Variants in AGBL3 observed in about 807,000 individuals in gnomAD.
AGBL3 encodes cytosolic carboxypeptidase 3.
Under a neutral mutation model 94.5 loss-of-function variants are expected in AGBL3, and 68 were observed. The observed-to-expected ratio is 0.72, with a 90% CI of 0.59 to 0.88. AGBL3 has a LOEUF of 0.88. AGBL3 is among the 40% of genes least tolerant of loss of function. The pLI is 0.00. For missense variants in AGBL3, 934 were observed against 1,103.8 expected, an observed-to-expected ratio of 0.85 and a Z score of 2.18; for synonymous variants, 354 against 370.7, an observed-to-expected ratio of 0.95 and a Z score of 0.52.
intron 11 of AGBL3, among the ~76,000 whole-genome samples, chr7:135,057,366 A>G (rs1447770034): frequency 6.6e-6 from 1 of 152,154 alleles, no homozygotes; most frequent in African/African-American, 2.4e-5. Context: ...GATATGACAA[A>G]ATCATGATCC....
chr7:135,062,200 G>T (rs1483825465), intron 12 of AGBL3, among the ~76,000 whole-genome samples: 4 of 152,024 alleles, frequency 2.6e-5, no homozygotes, highest in African/African-American at 9.6e-5. Flanking sequence ...TAGATAGTTT[G>T]TTATTAATCA....
At chr7:135,096,032 G>A (rs1822617575) in intron 15 of AGBL3, among the ~76,000 whole-genome samples, 1 of 152,032 alleles carries the variant, frequency 6.6e-6, no homozygotes, top group Non-Finnish European at 1.5e-5. Context: ...CATACCTGTA[G>A]TCCCACCTAC....
intron 15 of AGBL3, among the ~76,000 whole-genome samples, chr7:135,102,204 A>C (rs1034843296): frequency 6.6e-6 from 1 of 152,174 alleles, no homozygotes; most frequent in Non-Finnish European, 1.5e-5. Flanking sequence ...CACCGCTCCA[A>C]ATCTGTGATT....
chr7:135,096,623 A>AGATAGATG (rs1563260394), intron 15 of AGBL3, among the ~76,000 whole-genome samples: 1 of 149,726 alleles, frequency 6.7e-6, no homozygotes, highest in African/African-American at 2.5e-5. Context: ...ATAGATAGAT[A>AGATAGATG]GGGCTATTCT....
At chr7:135,106,320 T>G (rs998507621) in intron 15 of AGBL3, among the ~76,000 whole-genome samples, 4 of 152,232 alleles carry the variant, frequency 2.6e-5, no homozygotes, top group Admixed American at 6.5e-5. Context: ...TTAAGGGGAA[T>G]GCTTCCAGCT....
chr7:135,092,636 T>A (rs1467496770), intron 15 of AGBL3: 1 of 152,116 alleles, frequency 6.6e-6, no homozygotes, highest in Non-Finnish European at 1.5e-5. Context: ...TATTGTGTTA[T>A]GGGGTTACAT....
intron 5 of AGBL3, among the ~76,000 whole-genome samples, chr7:135,019,646 C>T (rs10248837): frequency 0.024 from 3,705 of 152,192 alleles, 166 homozygotes; most frequent in African/African-American, 0.084. Context: ...GGAGGCATCA[C>T]GCTACCTGAC....
At chr7:135,015,162 A>T (rs1428872791) in intron 4 of AGBL3, among the ~76,000 whole-genome samples, 1 of 152,240 alleles carries the variant, frequency 6.6e-6, no homozygotes, top group Non-Finnish European at 1.5e-5. Flanking sequence ...TAAGTCCATT[A>T]CAGATGAAAT....
At chr7:135,121,759 G>A (rs886456788) in intron 16 of AGBL3, among the ~76,000 whole-genome samples, 2 of 152,170 alleles carry the variant, frequency 1.3e-5, no homozygotes, top group Non-Finnish European at 2.9e-5. Context: ...TCCACAGAGA[G>A]GAAGAACAGT....
At chr7:135,068,107 G>A (rs891708048) in intron 12 of AGBL3, among the ~76,000 whole-genome samples, 12 of 151,486 alleles carry the variant, frequency 7.9e-5, no homozygotes, top group Admixed American at 2.0e-4. Flanking sequence ...CTCAGTAGCC[G>A]ATTCGATCAA....
At chr7:135,121,410 G>C (rs1047752540) in intron 16 of AGBL3, among the ~76,000 whole-genome samples, 3 of 152,150 alleles carry the variant, frequency 2.0e-5, no homozygotes, top group Non-Finnish European at 4.4e-5. Context: ...TTATTTTCAA[G>C]TGTACGTGGA....
intron 15 of AGBL3, among the ~76,000 whole-genome samples, chr7:135,094,995 C>A (rs961058661): frequency 6.6e-6 from 1 of 152,128 alleles, no homozygotes; most frequent in African/African-American, 2.4e-5. Flanking sequence ...TCATAGTTCC[C>A]TTGTTGGTCT....
intron 8 of AGBL3, among the ~76,000 whole-genome samples, chr7:135,041,436 G>A (rs979589222): frequency 9.2e-5 from 14 of 152,138 alleles, no homozygotes; most frequent in African/African-American, 3.4e-4. Flanking sequence ...GTACAGAATA[G>A]CAAGTCTAGT....
At chr7:135,002,874 C>T (rs1811900124) in intron 4 of AGBL3, among the ~76,000 whole-genome samples, 1 of 152,156 alleles carries the variant, frequency 6.6e-6, no homozygotes, top group Non-Finnish European at 1.5e-5. Context: ...ATATAAGCTA[C>T]CTGATGAAAT....
In AGBL3 at chr7:135,038,916, G is replaced by A. The variant is rs183823267; in HGVS notation, c.1500+1336G>A. Reference sequence around the variant, plus strand: ...GGAGCTTGCAGTGAGCCGAGATGGCGCCACTGCACTCCAGCCTGGACGATA... The same window carrying A: ...GGAGCTTGCAGTGAGCCGAGATGGCACCACTGCACTCCAGCCTGGACGATA... On this transcript the variant is annotated intron_variant, in intron 8 of 16. Coordinates refer to ENST00000436302, the MANE Select transcript of AGBL3 (RefSeq NM_178563.4). Among the ~76,000 whole-genome samples the A allele has an allele frequency of 2.0e-3, 297 of 151,302 alleles. 4 individuals are homozygous for A. The highest frequency in any genetic ancestry group is 0.016 in the Admixed American group (243 of 15,216).
chr7:135,054,997 T>C (rs946150480), intron 11 of AGBL3, among the ~76,000 whole-genome samples: 5 of 152,166 alleles, frequency 3.3e-5, no homozygotes, highest in African/African-American at 9.7e-5. Flanking sequence ...TGCTACATCA[T>C]AACATGGCAG....
chr7:135,121,167 T>G (rs1336927103), intron 16 of AGBL3, among the ~76,000 whole-genome samples: 1 of 152,054 alleles, frequency 6.6e-6, no homozygotes, highest in East Asian at 1.9e-4. Flanking sequence ...ATGGTGCCAT[T>G]GCACTCCAGC....
intron 4 of AGBL3, among the ~76,000 whole-genome samples, chr7:135,005,437 A>G (rs1812264995): frequency 6.6e-6 from 1 of 151,744 alleles, no homozygotes; most frequent in South Asian, 2.1e-4. Context: ...AAAACTACAC[A>G]ATGTTGATGA....
chr7:135,082,925 C>G (rs1232235118), intron 15 of AGBL3, among the ~76,000 whole-genome samples: 1 of 152,108 alleles, frequency 6.6e-6, no homozygotes, highest in East Asian at 1.9e-4. Context: ...TACATCTCCA[C>G]ACAGATGTCC....
Sources: allele counts gnomAD v4.1 joint callset (sites outside exome capture counted in the v4.1 genomes callset), GRCh38; gene constraint gnomAD v4.1.1; transcripts MANE v1.5; gene names NCBI Gene and HGNC (gene_info 2026-07-23, HGNC 2026-07-21).